Variants in MACROD2 observed in about 807,000 individuals in gnomAD.
MACROD2 encodes the protein ADP-ribose glycohydrolase MACROD2.
In MACROD2, 36 loss-of-function variants were observed where a neutral mutation model predicts 70.4. The ratio of observed to expected loss-of-function variants is 0.51; its 90% CI spans 0.39 to 0.68. The LOEUF is 0.68. Among genes scored for constraint, MACROD2 ranks in the 30% least tolerant of loss-of-function variants. The pLI, the probability that MACROD2 is intolerant of heterozygous loss-of-function variation, is 0.00. For synonymous variants in MACROD2, 172 were observed against 178.8 expected, an observed-to-expected ratio of 0.96 and a Z score of 0.30; for missense variants, 496 against 538.4, an observed-to-expected ratio of 0.92 and a Z score of 0.78.
chr20:14,845,936 A>T (rs533477123), intron 5 of MACROD2, among the ~76,000 whole-genome samples: 2 of 152,236 alleles, frequency 1.3e-5, no homozygotes, highest in Admixed American at 1.3e-4. Context: ...GAACCTGAGA[A>T]TTTCACAGCA....
intron 5 of MACROD2, among the ~76,000 whole-genome samples, chr20:15,015,306 A>G (rs1399447187): frequency 6.6e-6 from 1 of 152,202 alleles, no homozygotes; most frequent in Non-Finnish European, 1.5e-5. Flanking sequence ...TTCTATGAAT[A>G]TAAAAGAAAC....
chr20:14,116,118 G>A (rs1229475846), intron 3 of MACROD2, among the ~76,000 whole-genome samples: 1 of 152,100 alleles, frequency 6.6e-6, no homozygotes, highest in East Asian at 1.9e-4. Context: ...TGTTGTAACT[G>A]GTATACTTGA....
chr20:15,514,783 A>G (rs1196661963), intron 8 of MACROD2, among the ~76,000 whole-genome samples: 1 of 152,186 alleles, frequency 6.6e-6, no homozygotes. Flanking sequence ...TTTTGATGAG[A>G]TGAGAAAACT....
At chr20:14,992,762 T>C (rs1045539438) in intron 5 of MACROD2, among the ~76,000 whole-genome samples, 1 of 152,190 alleles carries the variant, frequency 6.6e-6, no homozygotes, top group African/African-American at 2.4e-5. Flanking sequence ...AAAAGCTAAA[T>C]GTATATCGTA....
chr20:14,018,444 T>C (rs1345105168), intron 2 of MACROD2, among the ~76,000 whole-genome samples: 1 of 152,184 alleles, frequency 6.6e-6, no homozygotes, highest in Admixed American at 6.5e-5. Flanking sequence ...CACTGCATGC[T>C]CTAAGTTTTG....
intron 4 of MACROD2, among the ~76,000 whole-genome samples, chr20:14,676,037 G>A (rs995730856): frequency 6.6e-6 from 1 of 152,052 alleles, no homozygotes; most frequent in Admixed American, 6.6e-5. Flanking sequence ...GGTGTGCCAA[G>A]GTTCATAAAG....
rs1436694104 is a variant in MACROD2, at chr20:15,891,073, CACAT to C, written c.775+5266_775+5269del. ...GATACACCAGAGAGTGAGATAATTT[CACAT>C]ACAAGTGATGTGTTTGAGAGAGATT... is the stretch of plus-strand genomic sequence containing the variant. On this transcript the variant is annotated intron_variant, in intron 10 of 17. Coordinates refer to ENST00000684519, the MANE Select transcript of MACROD2 (RefSeq NM_001351661.2). Among the ~76,000 whole-genome samples, 3 of 152,244 alleles carry C rather than the reference CACAT, an allele frequency of 2.0e-5. No individual in the cohort carries two copies. In the East Asian group the frequency reaches 5.8e-4, roughly 29 times the overall value.
At chr20:15,059,107 A>G (rs2075511106) in intron 5 of MACROD2, among the ~76,000 whole-genome samples, 2 of 152,348 alleles carry the variant, frequency 1.3e-5, no homozygotes, top group Admixed American at 1.3e-4. Flanking sequence ...CACAATGAAA[A>G]GAATCCTGGG....
chr20:15,827,340 A>T (rs1023265955), intron 8 of MACROD2, among the ~76,000 whole-genome samples: 6 of 152,210 alleles, frequency 3.9e-5, no homozygotes, highest in Non-Finnish European at 8.8e-5. Context: ...ATTTAGATAA[A>T]AGGATTATTA....
At chr20:14,361,886 G>A (rs1277749724) in intron 3 of MACROD2, among the ~76,000 whole-genome samples, 1 of 152,108 alleles carries the variant, frequency 6.6e-6, no homozygotes, top group Non-Finnish European at 1.5e-5. Flanking sequence ...TTTCTGTTTT[G>A]CCCATAGCTC....
intron 3 of MACROD2, among the ~76,000 whole-genome samples, chr20:14,167,550 A>G (rs1431440468): frequency 6.6e-6 from 1 of 150,988 alleles, no homozygotes; most frequent in Non-Finnish European, 1.5e-5. Context: ...TGCCCAGCTA[A>G]TTTTTGTGCT....
chr20:15,283,658 G>A (rs2146092868), intron 6 of MACROD2, among the ~76,000 whole-genome samples: 1 of 151,982 alleles, frequency 6.6e-6, no homozygotes, highest in Non-Finnish European at 1.5e-5. Context: ...GGCAACAAGA[G>A]TGAAACTCTG....
At chr20:15,093,655 GTTTTC>G (rs1489463473) in intron 5 of MACROD2, among the ~76,000 whole-genome samples, 2 of 152,032 alleles carry the variant, frequency 1.3e-5, no homozygotes, top group African/African-American at 2.4e-5. Flanking sequence ...TAAATTCAAA[GTTTTC>G]TTTATTATGA....
intron 6 of MACROD2, among the ~76,000 whole-genome samples, chr20:15,408,153 C>A (rs2046029872): frequency 6.6e-6 from 1 of 152,136 alleles, no homozygotes; most frequent in African/African-American, 2.4e-5. Context: ...AATTTAAAAC[C>A]AGAAGTTTTT....
intron 5 of MACROD2, among the ~76,000 whole-genome samples, chr20:14,990,882 G>C (rs1183572012): frequency 6.6e-6 from 1 of 152,120 alleles, no homozygotes; most frequent in African/African-American, 2.4e-5. Flanking sequence ...AGTAGCCTTG[G>C]GCTGGGGGAA....
At chr20:15,257,687 A>T (rs2045756167) in intron 6 of MACROD2, among the ~76,000 whole-genome samples, 1 of 152,074 alleles carries the variant, frequency 6.6e-6, no homozygotes, top group Admixed American at 6.6e-5. Flanking sequence ...TCAGTCACAC[A>T]TTTATGTACA....
intron 5 of MACROD2, among the ~76,000 whole-genome samples, chr20:14,877,722 T>G (rs1307379146): frequency 6.6e-6 from 1 of 152,138 alleles, no homozygotes; most frequent in Non-Finnish European, 1.5e-5. Flanking sequence ...TTGCATCTAT[T>G]GAGAGGATCA....
chr20:14,966,824 AT>A (rs890771515), intron 5 of MACROD2, among the ~76,000 whole-genome samples: 3 of 152,108 alleles, frequency 2.0e-5, no homozygotes, highest in East Asian at 1.9e-4. Context: ...ATGTACAGGC[AT>A]TTTTTTATCA....
chr20:15,850,829 T>G (rs2064289711), intron 8 of MACROD2, among the ~76,000 whole-genome samples: 1 of 152,200 alleles, frequency 6.6e-6, no homozygotes, highest in Non-Finnish European at 1.5e-5. Flanking sequence ...TCTGTTGCTG[T>G]CACTTTGTTA....
Sources: gnomAD v4.1 joint callset for allele counts (sites outside exome capture counted in the v4.1 genomes callset) on GRCh38, gnomAD v4.1.1 for gene constraint, MANE v1.5 for transcripts, NCBI Gene and HGNC (gene_info 2026-07-23, HGNC 2026-07-21) for gene names.